Variants in TTC6 observed in about 807,000 individuals in gnomAD.
TTC6 encodes tetratricopeptide repeat domain 6, also known as tetratricopeptide repeat protein 6.
A neutral mutation model predicts 210.4 loss-of-function variants in TTC6; 172 were observed. The observed-to-expected ratio is 0.82, with a 90% CI of 0.72 to 0.93. The LOEUF (loss-of-function observed/expected upper bound fraction) is 0.93, where lower values mean the gene tolerates loss of function less well. TTC6 is among the 40% of genes least tolerant of loss of function. TTC6 has a pLI of 0.00. For synonymous variants in TTC6, 804 were observed against 819.6 expected (o/e 0.98, Z 0.32); for missense variants, 2,414 against 2,318.1 (o/e 1.04, Z -0.85).
At chr14:37,814,978 T>G (rs188781289) in intron 25 of TTC6, among the ~76,000 whole-genome samples, 3 of 152,286 alleles carry the variant, frequency 2.0e-5, no homozygotes, top group Non-Finnish European at 4.4e-5. Context: ...TCAGGAAGCA[T>G]TTTGACTGGG....
At chr14:37,746,191 G>A (rs965510996) in intron 10 of TTC6, among the ~76,000 whole-genome samples, 11 of 152,238 alleles carry the variant, frequency 7.2e-5, no homozygotes, top group African/African-American at 2.2e-4. Context: ...ATTGGAATCA[G>A]TGAAACAAAT....
intron 2 of TTC6, among the ~76,000 whole-genome samples, chr14:37,615,327 T>A (rs531228953): frequency 6.6e-6 from 1 of 152,280 alleles, no homozygotes; most frequent in East Asian, 1.9e-4. Context: ...CAAACATAAT[T>A]ATTTTTTATT....
At chr14:37,840,793 T>C (rs2096208210) in intron 29 of TTC6, among the ~76,000 whole-genome samples, 1 of 152,166 alleles carries the variant, frequency 6.6e-6, no homozygotes, top group African/African-American at 2.4e-5. Flanking sequence ...GTTGTGGCCT[T>C]CTTTTCTATT....
At chr14:37,686,517 G>A (rs1045242041) in intron 3 of TTC6, among the ~76,000 whole-genome samples, 1 of 152,152 alleles carries the variant, frequency 6.6e-6, no homozygotes, top group Non-Finnish European at 1.5e-5. Flanking sequence ...TTTCCTAATG[G>A]TTTAGATGAT....
intron 1 of TTC6, among the ~76,000 whole-genome samples, chr14:37,658,225 A>G (rs1005243214): frequency 6.6e-6 from 1 of 152,262 alleles, no homozygotes; most frequent in Non-Finnish European, 1.5e-5. Context: ...CCATTAAAAT[A>G]TAAAAGAACT....
chr14:37,641,136 T>G (rs1206581061), intron 1 of TTC6, among the ~76,000 whole-genome samples: 1 of 152,234 alleles, frequency 6.6e-6, no homozygotes, highest in Non-Finnish European at 1.5e-5. Context: ...TATAGTTATC[T>G]TGACAGCAAA....
intron 1 of TTC6, among the ~76,000 whole-genome samples, chr14:37,603,619 G>A (rs2095619808): frequency 1.3e-5 from 2 of 152,210 alleles, no homozygotes; most frequent in African/African-American, 4.8e-5. Context: ...GACAGCAGCA[G>A]CAGAAGAGAC....
intron 14 of TTC6, among the ~76,000 whole-genome samples, chr14:37,781,980 G>A (rs1278544513): frequency 1.3e-5 from 2 of 152,060 alleles, no homozygotes; most frequent in African/African-American, 4.8e-5. Flanking sequence ...TGTTTCATTG[G>A]TCTATATCTC....
chr14:37,763,156 G>A (rs1400710436), intron 14 of TTC6, among the ~76,000 whole-genome samples: 1 of 151,912 alleles, frequency 6.6e-6, no homozygotes, highest in Admixed American at 6.6e-5. Context: ...CCAAAGTGCT[G>A]GGATTACAGA....
chr14:37,702,672 C>T (rs1452857933), intron 5 of TTC6, among the ~76,000 whole-genome samples: 1 of 152,140 alleles, frequency 6.6e-6, no homozygotes, highest in African/African-American at 2.4e-5. Context: ...TATGAGAATA[C>T]TATTCTAAAA....
In TTC6 at chr14:37,839,128, G is replaced by C. The variant is rs556364381; in HGVS notation, c.5299-2317G>C. On this transcript the variant is annotated intron_variant, in intron 29 of 30. Coordinates refer to ENST00000553443, the Ensembl canonical transcript of TTC6. ...ACATACGTGTGCATGTGTCTTTATAGTAGAATGATTTATAATCCTTTGGGT... is the reference window on the plus strand; with the variant it reads ...ACATACGTGTGCATGTGTCTTTATACTAGAATGATTTATAATCCTTTGGGT... Among the ~76,000 whole-genome samples the C allele has an allele frequency of 2.0e-5, 3 of 152,278 alleles. No individual in the cohort carries two copies. In the East Asian group the frequency reaches 5.8e-4, roughly 29 times the overall value.
chr14:37,715,822 C>T (rs1482613965), intron 6 of TTC6, among the ~76,000 whole-genome samples: 1 of 152,090 alleles, frequency 6.6e-6, no homozygotes, highest in East Asian at 1.9e-4. Context: ...TGCCAGCATA[C>T]CTAACCTAAA....
chr14:37,776,426 A>G (rs1047941476), intron 14 of TTC6, among the ~76,000 whole-genome samples: 1 of 151,992 alleles, frequency 6.6e-6, no homozygotes, highest in East Asian at 1.9e-4. Context: ...CTGTGTACTT[A>G]AGTGTGTTTT....
chr14:37,752,415 A>T (rs2095955002), intron 13 of TTC6, among the ~76,000 whole-genome samples: 1 of 152,134 alleles, frequency 6.6e-6, no homozygotes, highest in South Asian at 2.1e-4. Context: ...GAAGATGCTG[A>T]AATTGTTAGA....
chr14:37,816,145 A>G (rs1319033019), intron 25 of TTC6, among the ~76,000 whole-genome samples: 2 of 152,098 alleles, frequency 1.3e-5, no homozygotes, highest in African/African-American at 4.8e-5. Flanking sequence ...TTTTCTTCCA[A>G]ATAGTTCCAT....
intron 14 of TTC6, among the ~76,000 whole-genome samples, chr14:37,769,318 A>T (rs1344236573): frequency 6.6e-6 from 1 of 151,704 alleles, no homozygotes; most frequent in East Asian, 1.9e-4. Flanking sequence ...TGGCCTCATA[A>T]AATGAGTTAG....
intron 22 of TTC6, 116 bp from the exon 25 acceptor site, chr14:37,807,204 A>G: frequency 2.1e-6 from 2 of 969,888 alleles, no homozygotes; most frequent in Non-Finnish European, 2.7e-6. Context: ...TAAAAAGACT[A>G]TATTTTAATA....
intron 15 of TTC6, among the ~76,000 whole-genome samples, chr14:37,789,804 A>G (rs2096075474): frequency 6.6e-6 from 1 of 151,864 alleles, no homozygotes; most frequent in Non-Finnish European, 1.5e-5. Context: ...GTACTTCCTT[A>G]ATGTGTATGA....
chr14:37,740,203 G>C (rs1003430230), intron 10 of TTC6, among the ~76,000 whole-genome samples: 28 of 150,874 alleles, frequency 1.9e-4, no homozygotes, highest in Admixed American at 1.8e-3. Context: ...AATATTGTAA[G>C]CTCTTATTTA....
Sources: allele counts gnomAD v4.1 joint callset (sites outside exome capture counted in the v4.1 genomes callset), GRCh38; gene constraint gnomAD v4.1.1; transcripts MANE v1.5; gene names NCBI Gene and HGNC (gene_info 2026-07-23, HGNC 2026-07-21).